Variants in SCUBE1 observed in about 807,000 individuals in gnomAD.
The protein encoded by SCUBE1 is signal peptide, CUB domain and EGF like domain containing 1.
A neutral mutation model predicts 124.4 loss-of-function variants in SCUBE1; 59 were observed. The ratio of observed to expected loss-of-function variants is 0.47; its 90% CI spans 0.38 to 0.59. The LOEUF is 0.59. SCUBE1 is among the 20% of genes least tolerant of loss of function. The probability of loss-of-function intolerance (pLI) is 0.00; values close to 1 mark genes in which losing one functional copy is unlikely to be tolerated. For missense variants in SCUBE1, 1,150 were observed against 1,371.2 expected (o/e 0.84, Z 2.55); for synonymous variants, 545 against 550.9 (o/e 0.99, Z 0.15).
chr22:43,220,514 T>G lies in SCUBE1; in HGVS notation c.1623A>C (p.Pro541=), dbSNP rs1310025202. Residue 541 remains proline (P), a synonymous_variant, in exon 14 of 22, where the codon CCA becomes CCC. Coordinates refer to ENST00000360835, the MANE Select transcript of SCUBE1 (RefSeq NM_173050.5). ...CTGTGATGTGGGACACCTCCTTGGA[T>G]GGGGACTTGCGGCCACGGCGCCTCT... ...SKKRRRGRKS[P]SKEVSHITAE... 6.2e-6 allele frequency: 10 copies of G among 1,614,142 alleles called. No individual in the cohort carries two copies. The African/African-American group carries it at 1.2e-4, about 19-fold the overall frequency.
chr22:43,280,557 C>CACCCATCCTTCTGTCCCTTCCCCTT (rs1924755996), intron 4 of SCUBE1, among the ~76,000 whole-genome samples: 1 of 149,210 alleles, frequency 6.7e-6, no homozygotes, highest in Non-Finnish European at 1.5e-5. Context: ...CCCTTCCCCT[C>CACCCATCCTTCTGTCCCTTCCCCTT]ACCCATCCTG....
Position 43,343,339 on chromosome 22 carries a change from G to T in SCUBE1, c.-78C>A. On this transcript the variant is annotated 5_prime_UTR_variant, in exon 1 of 22. Coordinates refer to ENST00000360835, the MANE Select transcript of SCUBE1 (RefSeq NM_173050.5). Reference sequence around the variant, plus strand: ...CCGACCGGCCGCTCCCGCAGGCGCTGCTCGCTGCTCGCCGCTCCGCCACCG... The same window carrying T: ...CCGACCGGCCGCTCCCGCAGGCGCTTCTCGCTGCTCGCCGCTCCGCCACCG... 2 of 661,808 alleles carry T rather than the reference G, an allele frequency of 3.0e-6. No homozygotes were observed. Among genetic ancestry groups the T allele is most frequent in the Non-Finnish European group, 3.8e-6 (2 of 521,000 alleles). The allele number at this position is 661,808 out of a possible 1,614,324, so 41.0% of individuals were successfully genotyped here. A position where few individuals can be genotyped will look rare whatever the true frequency, so the allele number is the denominator to read the frequency against.
intron 14 of SCUBE1, among the ~76,000 whole-genome samples, chr22:43,218,926 T>C (rs1921959967): frequency 1.3e-5 from 2 of 152,212 alleles, no homozygotes; most frequent in Admixed American, 1.3e-4. Flanking sequence ...CCCTACTTAC[T>C]GCTTCCTGGA....
chr22:43,240,909 G>C (rs1444913969), intron 6 of SCUBE1, among the ~76,000 whole-genome samples: 1 of 152,204 alleles, frequency 6.6e-6, no homozygotes, highest in African/African-American at 2.4e-5. Flanking sequence ...TCCAGGTGGA[G>C]GTAATTCAGG....
At chr22:43,332,787 T>C (rs1926944828) in intron 2 of SCUBE1, among the ~76,000 whole-genome samples, 2 of 152,108 alleles carry the variant, frequency 1.3e-5, no homozygotes, top group African/African-American at 2.4e-5. Flanking sequence ...TAAGGGTCAT[T>C]CACTGTCCAC....
rs915240282 is a variant in SCUBE1 at position 43,203,767 on chromosome 22, G to A, written c.*230C>T. The A allele has an allele frequency of 8.3e-5, 44 of 533,150 alleles. No individual in the cohort carries two copies. Among genetic ancestry groups the A allele is most frequent in the Admixed American group, 1.3e-4 (4 of 30,196 alleles). 33.0% of individuals were successfully genotyped at this position (533,150 alleles called of 1,614,324 possible). A position where few individuals can be genotyped will look rare whatever the true frequency, so the allele number is the denominator to read the frequency against. On this transcript the variant is annotated 3_prime_UTR_variant, in exon 22 of 22. Coordinates refer to ENST00000360835, the MANE Select transcript of SCUBE1 (RefSeq NM_173050.5). ...CAGGAGAGGGCGCTCTTGGTGTCCT[G>A]GGGAAGGGAGGCAGAGGGAGGGAGG...
intron 3 of SCUBE1, among the ~76,000 whole-genome samples, chr22:43,316,408 G>A (rs1390509524): frequency 6.6e-6 from 1 of 152,202 alleles, no homozygotes; most frequent in East Asian, 1.9e-4. Context: ...ACTAATCAGA[G>A]ACCAAAACAT....
Position 43,227,440 on chromosome 22 carries a change from T to G in SCUBE1, c.1141A>C (p.Lys381Gln). ...GGACAGACGCACTCGTAGCTGCCCTTGGTGTTGACGCAGCCCTGGTCACAG... is the reference window on the plus strand; with the variant it reads ...GGACAGACGCACTCGTAGCTGCCCTGGGTGTTGACGCAGCCCTGGTCACAG... The part of the protein sequence containing the change: ...GSCDQGCVNT[K>Q]GSYECVCPPG... The change falls in exon 10 of 22, where the codon AAG (lysine) becomes CAG (glutamine). Residue 381 changes from lysine to glutamine, a missense_variant. Physicochemically the swap from Lys to Gln is moderately conservative, Grantham distance 53. Around this residue, in one of 3 missense-constraint regions of SCUBE1, gnomAD observed 337 missense variants for 482.1 expected, o/e 0.70. Transcript: ENST00000360835. The G allele has an allele frequency of 6.2e-7, 1 of 1,613,144 alleles. No homozygotes were observed. Among genetic ancestry groups the G allele is most frequent in the Non-Finnish European group, 8.5e-7 (1 of 1,179,890 alleles).
intron 2 of SCUBE1, among the ~76,000 whole-genome samples, chr22:43,333,150 C>T (rs1337361736): frequency 3.9e-5 from 6 of 152,204 alleles, no homozygotes; most frequent in Admixed American, 3.3e-4. Context: ...CTGTCACTCA[C>T]GGGGACTGCC....
At chr22:43,206,911 C>T (rs1278380600) in intron 21 of SCUBE1, among the ~76,000 whole-genome samples, 1 of 152,228 alleles carries the variant, frequency 6.6e-6, no homozygotes, top group Non-Finnish European at 1.5e-5. Context: ...TATGGGGAGA[C>T]TCAAGTGAAT....
chr22:43,285,581 C>G (rs1925106658), intron 4 of SCUBE1, among the ~76,000 whole-genome samples: 1 of 152,174 alleles, frequency 6.6e-6, no homozygotes, highest in East Asian at 1.9e-4. Context: ...CAGAGCCCAA[C>G]AGTTTTCCCT....
chr22:43,340,093 G>A (rs1927259916), intron 1 of SCUBE1, among the ~76,000 whole-genome samples: 1 of 151,330 alleles, frequency 6.6e-6, no homozygotes. Flanking sequence ...GGCCATGCCA[G>A]GAGGCTCCTG....
intron 11 of SCUBE1, 37 bp downstream of exon 11, chr22:43,223,060 T>C (rs1922161762): frequency 6.7e-7 from 1 of 1,501,482 alleles, no homozygotes; most frequent in South Asian, 1.4e-5. Context: ...AAGACCCCCC[T>C]GCCACAGCAT....
In SCUBE1 at chr22:43,343,316, G is replaced by T. The variant is rs866394169; in HGVS notation, c.-55C>A. The T allele has an allele frequency of 2.2e-6, 2 of 892,832 alleles. No homozygotes were observed. Among genetic ancestry groups the T allele is most frequent in the South Asian group, 1.0e-4 (2 of 19,212 alleles). 55.3% of individuals were successfully genotyped at this position (892,832 alleles called of 1,614,324 possible). On this transcript the variant is annotated 5_prime_UTR_variant, in exon 1 of 22. Coordinates refer to ENST00000360835, the MANE Select transcript of SCUBE1 (RefSeq NM_173050.5). ...GCGTGCGGGGCGCGGGGACCCGACC[G>T]ACCGGCCGCTCCCGCAGGCGCTGCT... is the stretch of plus-strand genomic sequence containing the variant.
At chr22:43,238,329 C>G (rs926657610) in intron 7 of SCUBE1, 3 of 201,050 alleles carry the variant, frequency 1.5e-5, no homozygotes, top group African/African-American at 2.3e-5. Flanking sequence ...CCTAGCCTCG[C>G]CCCCCTAGTA....
At chr22:43,283,233 G>A (rs908754483) in intron 4 of SCUBE1, 2 of 152,202 alleles carry the variant, frequency 1.3e-5, no homozygotes, top group Admixed American at 1.3e-4. Flanking sequence ...AATCCATGGG[G>A]GTGGTTGTGA....
At chr22:43,241,243 C>G (rs1257287796) in intron 6 of SCUBE1, among the ~76,000 whole-genome samples, 1 of 152,104 alleles carries the variant, frequency 6.6e-6, no homozygotes. Context: ...ACAAGGGGCT[C>G]TTAGTCCCTT....
chr22:43,293,520 G>C (rs1419816818), intron 3 of SCUBE1, among the ~76,000 whole-genome samples: 1 of 152,284 alleles, frequency 6.6e-6, no homozygotes, highest in Non-Finnish European at 1.5e-5. Context: ...CTGGAGTCCA[G>C]TGTCAACTTG....
chr22:43,289,322 G>A lies in SCUBE1; in HGVS notation c.484+1724C>T, dbSNP rs116659816. Among the ~76,000 whole-genome samples, 654 of 152,274 alleles carry A rather than the reference G, an allele frequency of 4.3e-3. 9 individuals carry two copies. Among genetic ancestry groups the A allele is most frequent in the African/African-American group, 0.015 (620 of 41,542 alleles). On this transcript the variant is annotated intron_variant, in intron 4 of 21. Transcript: ENST00000360835. Reference sequence around the variant, plus strand: ...GTTTGCCTCCACCGTGGGCAGCTTGGCCCCACAGCCCACAACTGGGAGGTC... The same window carrying A: ...GTTTGCCTCCACCGTGGGCAGCTTGACCCCACAGCCCACAACTGGGAGGTC...
Sources: gnomAD v4.1 joint callset for allele counts (sites outside exome capture counted in the v4.1 genomes callset) on GRCh38, gnomAD v4.1.1 for gene constraint, gnomAD v4.1.1 regional missense constraint, MANE v1.5 for transcripts, NCBI Gene and HGNC (gene_info 2026-07-23, HGNC 2026-07-21) for gene names.